The following STRIP1 variants were observed in gnomAD, a reference collection of about 807,000 sequenced individuals.
STRIP1 encodes the protein striatin-interacting protein 1.
In STRIP1, 63 loss-of-function variants were observed where a neutral mutation model predicts 106.2. The ratio of observed to expected loss-of-function variants is 0.59; its 90% CI spans 0.48 to 0.73. The LOEUF (loss-of-function observed/expected upper bound fraction) is 0.73, where lower values mean the gene tolerates loss of function less well. Ranked by LOEUF, STRIP1 falls within the 30% of genes least tolerant of loss-of-function variation. The pLI, the probability that STRIP1 is intolerant of heterozygous loss-of-function variation, is 0.00. For synonymous variants in STRIP1, 390 were observed against 413.0 expected, an observed-to-expected ratio of 0.94 and a Z score of 0.67; for missense variants, 857 against 1,074.8, an observed-to-expected ratio of 0.80 and a Z score of 2.83.
chr1:110,051,751 G>C lies in STRIP1; in HGVS notation c.2130G>C (p.Gln710His), dbSNP rs1239597162. 2 of 1,613,820 alleles carry C rather than the reference G, an allele frequency of 1.2e-6. No individual in the cohort carries two copies. The highest frequency in any genetic ancestry group is 2.2e-5 in the South Asian group (2 of 91,044). ...TAAAGGTGAAACAAGCCATGATGCA[G>C]CTCTATGTGCTGAAGCTGCTCAAGG... ...RALKVKQAMM[Q>H]LYVLKLLKVQ... The change falls in exon 20 of 21, where the codon CAG becomes CAC. Residue 710 changes from glutamine to histidine, a missense_variant. Transcript: ENST00000369795.
intron 5 of STRIP1, 131 bp downstream of exon 5, chr1:110,039,646 A>C (rs1652661862): frequency 8.5e-7 from 1 of 1,178,186 alleles, no homozygotes; most frequent in African/African-American, 1.5e-5. Context: ...TGTTCTGACC[A>C]CCTGGGTTGA....
chr1:110,040,825 G>A, intron 6 of STRIP1, 122 bp downstream of exon 6: 1 of 786,686 alleles, frequency 1.3e-6, no homozygotes, highest in Non-Finnish European at 2.0e-6. Flanking sequence ...ATCTGCATGT[G>A]TGATGGGCTC....
chr1:110,046,470 A>T lies in STRIP1; in HGVS notation c.1417-210A>T, dbSNP rs141765264. ...AGCCAAGATCATGCCACTGCACTCC[A>T]GTCTGGGCAACAGAGGAAGACTTCA... On this transcript the variant is annotated intron_variant, in intron 12 of 20. Coordinates refer to ENST00000369795, the MANE Select transcript of STRIP1 (RefSeq NM_033088.4). Among the ~76,000 whole-genome samples the T allele has an allele frequency of 5.7e-3, 873 of 152,334 alleles. 7 individuals are homozygous for T. The highest frequency in any genetic ancestry group is 0.02 in the African/African-American group (832 of 41,566).
At position 110,044,917 on chromosome 1, in the gene STRIP1, C is replaced by A. The variant is rs1652944230; in HGVS notation, c.1352+12C>A. ...TACACTCTAGGCAGGTGAGTAAAAG[C>A]CGAGTTCATTTTGCTGTTAGCTCTC... On this transcript the variant is annotated intron_variant, in intron 11 of 20. Transcript: ENST00000369795. The A allele has an allele frequency of 5.0e-6, 8 of 1,614,086 alleles. No individual in the cohort carries two copies. The highest frequency in any genetic ancestry group is 6.8e-6 in the Non-Finnish European group (8 of 1,179,950).
chr1:110,049,544 A>G lies in STRIP1; in HGVS notation c.1873A>G (p.Ile625Val), dbSNP rs368746194. 3.8e-5 allele frequency: 62 copies of G among 1,612,544 alleles called. No homozygotes were observed. Among genetic ancestry groups the G allele is most frequent in the Non-Finnish European group, 5.0e-5 (59 of 1,179,234 alleles). Reference sequence around the variant, plus strand: ...CTTCAATCAAAACATCATGTCCTACATCACTGCCAAGAACAGGTGATGAGG... The same window carrying G: ...CTTCAATCAAAACATCATGTCCTACGTCACTGCCAAGAACAGGTGATGAGG... ...KFFNQNIMSYITAKNSISVLD... is the reference protein window; with the variant it reads ...KFFNQNIMSYVTAKNSISVLD... Residue 625 changes from isoleucine to valine, a missense_variant, in exon 17 of 21, where the codon ATC becomes GTC. Ile to Val is a conservative substitution (Grantham distance 29, BLOSUM62 3). Coordinates refer to ENST00000369795, the MANE Select transcript of STRIP1 (RefSeq NM_033088.4).
intron 15 of STRIP1, among the ~76,000 whole-genome samples, chr1:110,048,739 CT>C: frequency 6.6e-6 from 1 of 152,294 alleles, no homozygotes; most frequent in East Asian, 1.9e-4. Context: ...CTCCAAAACC[CT>C]TTTTTTCCAT....
At chr1:110,041,243 C>G (rs1652742677) in intron 6 of STRIP1, 1 of 247,422 alleles carries the variant, frequency 4.0e-6, no homozygotes. Flanking sequence ...GTTAGGATCC[C>G]TGGGCGTCAC....
Position 110,034,733 on chromosome 1 carries a change from A to C in STRIP1, c.96A>C (p.Pro32=), listed in dbSNP as rs1406427669. ...CGCCGCCGGCAGCCGCACAGCCACC[A>C]CCCGGGGCACCGCGGGCCGCCGCGG... ...PPPPPAAAQP[P]PGAPRAAAGL... Residue 32 remains proline (P), a synonymous_variant, in exon 1 of 21, where the codon CCA becomes CCC. Coordinates refer to ENST00000369795, the MANE Select transcript of STRIP1 (RefSeq NM_033088.4). 2.0e-6 allele frequency: 3 copies of C among 1,481,726 alleles called. No individual in the cohort carries two copies. The Middle Eastern group carries it at 7.1e-4, about 349-fold the overall frequency. 91.8% of individuals were successfully genotyped at this position (1,481,726 alleles called of 1,614,324 possible).
At chr1:110,032,364 G>A (rs1652234768), upstream of STRIP1, among the ~76,000 whole-genome samples, 1 of 152,196 alleles carries the variant, frequency 6.6e-6, no homozygotes, top group African/African-American at 2.4e-5. Context: ...GACCTCAGGG[G>A]AAATCACTGG....
In STRIP1 at chr1:110,054,259, G is replaced by A. The variant is rs1570932757; in HGVS notation, c.*347G>A. On this transcript the variant is annotated 3_prime_UTR_variant, in exon 21 of 21. Coordinates refer to ENST00000369795, the MANE Select transcript of STRIP1 (RefSeq NM_033088.4). Reference sequence around the variant, plus strand: ...TCCGCCGTGCATCTGAATTTCAGGGGTCATGCTGATGCCTCTCGAGACATA... The same window carrying A: ...TCCGCCGTGCATCTGAATTTCAGGGATCATGCTGATGCCTCTCGAGACATA... 1 of 263,398 alleles carries A rather than the reference G, an allele frequency of 3.8e-6. No homozygotes were observed. Among genetic ancestry groups the A allele is most frequent in the Admixed American group, 5.0e-5 (1 of 20,086 alleles). 16.3% of individuals were successfully genotyped at this position (263,398 alleles called of 1,614,324 possible).
upstream of STRIP1, chr1:110,034,576 C>T: frequency 1.4e-6 from 2 of 1,446,186 alleles, no homozygotes; most frequent in Non-Finnish European, 1.8e-6. Flanking sequence ...TGGAGAAAAT[C>T]ACGCGAGAGT....
Position 110,045,021 on chromosome 1 carries a change from G to T in STRIP1, c.1359G>T (p.Thr453=). The T allele has an allele frequency of 6.2e-7, 1 of 1,614,124 alleles. No homozygotes were observed. Among genetic ancestry groups the T allele is most frequent in the South Asian group, 1.1e-5 (1 of 91,064 alleles). The part of the protein sequence containing the change: ...KFIGYTLGSD[T]NTVVGLPRPI... ...GGCCTTCTTTATTCTCCAGTGACAC[G>T]AACACAGTGGTGGGGCTGCCCAGGC... The change falls in exon 12 of 21, where the codon ACG becomes ACT. Residue 453 remains threonine, a synonymous_variant. Transcript: ENST00000369795.
Position 110,051,678 on chromosome 1 carries a change from C to G in STRIP1, c.2062-5C>G, listed in dbSNP as rs1321255163. ...CTTGGGCTGCTTGCTTGTTTCCCTT[C>G]CCAGATGCTGGTGGTGTTCAAGTCA... On this transcript the variant is annotated splice_region_variant and splice_polypyrimidine_tract_variant and intron_variant, in intron 19 of 20. Transcript: ENST00000369795. The G allele has an allele frequency of 1.9e-6, 3 of 1,596,408 alleles. No homozygotes were observed. Among genetic ancestry groups the G allele is most frequent in the Non-Finnish European group, 2.6e-6 (3 of 1,171,232 alleles).
chr1:110,044,738 GCTTC>G, intron 10 of STRIP1, 98 bp from the exon 11 acceptor site: 4 of 1,113,508 alleles, frequency 3.6e-6, no homozygotes, highest in Non-Finnish European at 3.9e-6. Context: ...ACTTCTCCTG[GCTTC>G]ACAGTTTCTG....
intron 12 of STRIP1, chr1:110,045,287 T>C (rs1382579142): frequency 8.9e-6 from 5 of 558,912 alleles, no homozygotes; most frequent in Admixed American, 3.1e-5. Flanking sequence ...TGAGCTTTTG[T>C]TTGGGACTGA....
upstream of STRIP1, among the ~76,000 whole-genome samples, chr1:110,034,270 T>G (rs72976670): frequency 0.035 from 5,284 of 152,208 alleles, 296 homozygotes; most frequent in African/African-American, 0.12. Flanking sequence ...GGTAACTCTG[T>G]GAAGACTAGG....
intron 8 of STRIP1, 187 bp from the exon 9 acceptor site, chr1:110,042,901 C>T: frequency 3.4e-6 from 2 of 579,884 alleles, no homozygotes; most frequent in Non-Finnish European, 6.0e-6. Context: ...GTTCCTTTTT[C>T]TCCTTTCCCT....
rs1652952328 is a variant in STRIP1 at position 110,045,053 on chromosome 1, A to G, written c.1391A>G (p.His464Arg). ...GTGGTGGGGCTGCCCAGGCCAATCC[A>G]CGAAAGCATCAAGACTCTGAAACAG... ...NTVVGLPRPI[H>R]ESIKTLKQHK... is the part of the protein sequence containing the mutation. The change falls in exon 12 of 21, where the codon CAC (histidine) becomes CGC (arginine). Residue 464 changes from histidine to arginine, a missense_variant. By Grantham distance (29) the His-to-Arg change is conservative (BLOSUM62 0). Around this residue, in one of 2 missense-constraint regions of STRIP1, gnomAD observed 750 missense variants for 989.8 expected, o/e 0.76. Transcript: ENST00000369795. 2 of 1,613,996 alleles carry G rather than the reference A, an allele frequency of 1.2e-6. No homozygotes were observed. Among genetic ancestry groups the G allele is most frequent in the African/African-American group, 1.3e-5 (1 of 74,912 alleles).
In STRIP1 at chr1:110,034,743, C is replaced by T. The variant is rs1652353664; in HGVS notation, c.106C>T (p.Pro36Ser). The T allele has an allele frequency of 1.2e-5, 17 of 1,461,378 alleles. No homozygotes were observed. Among genetic ancestry groups the T allele is most frequent in the African/African-American group, 1.5e-5 (1 of 66,726 alleles). 90.5% of individuals were successfully genotyped at this position (1,461,378 alleles called of 1,614,324 possible). ...AGCCGCACAGCCACCACCCGGGGCA[C>T]CGCGGGCCGCCGCGGGCCTCCTGCC... ...PAAAQPPPGA[P>S]RAAAGLLPGG... Residue 36 changes from proline to serine, a missense_variant, in exon 1 of 21, where the codon CCG becomes TCG. Transcript: ENST00000369795.
Sources: gnomAD v4.1 joint callset for allele counts (sites outside exome capture counted in the v4.1 genomes callset) on GRCh38, gnomAD v4.1.1 for gene constraint, gnomAD v4.1.1 regional missense constraint, MANE v1.5 for transcripts, NCBI Gene and HGNC (gene_info 2026-07-23, HGNC 2026-07-21) for gene names.